The following TTC23 variants were observed in gnomAD, a reference collection of about 807,000 sequenced individuals.
The protein encoded by TTC23 is tetratricopeptide repeat domain 23.
Under a neutral mutation model 55.1 loss-of-function variants are expected in TTC23, and 58 were observed. The ratio of observed to expected loss-of-function variants is 1.05; its 90% confidence interval spans 0.85 to 1.31. The LOEUF (loss-of-function observed/expected upper bound fraction) is 1.31. TTC23 is among the 50% of genes most tolerant of loss of function. The pLI is 0.00. For missense variants in TTC23, 516 were observed against 534.4 expected, an observed-to-expected ratio of 0.97 and a Z score of 0.34; for synonymous variants, 203 against 199.9, an observed-to-expected ratio of 1.02 and a Z score of -0.13.
At chr15:99,201,332 C>T (rs1329877416) in intron 8 of TTC23, among the ~76,000 whole-genome samples, 1 of 152,100 alleles carries the variant, frequency 6.6e-6, no homozygotes, top group Non-Finnish European at 1.5e-5. Context: ...TTTGTTAAGA[C>T]TATTAGGAAC....
At chr15:99,160,969 C>G (rs889878733) in intron 11 of TTC23, 4 of 146,796 alleles carry the variant, frequency 2.7e-5, no homozygotes, top group African/African-American at 7.6e-5. Flanking sequence ...GCTGAGATTG[C>G]ACCACTGCAC....
rs79941196 is a variant in TTC23, at chr15:99,212,500, A to G, written c.581+6088T>C. ...ATTCACTCTCCAAAGTTAACAAACC[A>G]TTACTGTACGAAGTAGCACCGGAAC... On this transcript the variant is annotated intron_variant, in intron 8 of 13. Coordinates refer to ENST00000394132, the MANE Select transcript of TTC23 (RefSeq NM_001288615.3). 2.5e-3 allele frequency among the ~76,000 whole-genome samples: 374 copies of G among 152,336 alleles called. 2 individuals are homozygous for G. Among genetic ancestry groups the G allele is most frequent in the African/African-American group, 8.4e-3 (348 of 41,566 alleles).
intron 5 of TTC23, among the ~76,000 whole-genome samples, chr15:99,226,321 G>A (rs1300126709): frequency 6.6e-6 from 1 of 152,038 alleles, no homozygotes; most frequent in East Asian, 1.9e-4. Context: ...TTATTCTTAG[G>A]GAATAAACAC....
intron 10 of TTC23, among the ~76,000 whole-genome samples, chr15:99,162,832 C>G (rs898740156): frequency 6.6e-6 from 1 of 152,064 alleles, no homozygotes; most frequent in Non-Finnish European, 1.5e-5. Flanking sequence ...GTAATCCCAG[C>G]ACTTTGGGAG....
At chr15:99,234,952 A>C (rs1240234339) in intron 4 of TTC23, 36 bp downstream of exon 4, 2 of 152,098 alleles carry the variant, frequency 1.3e-5, no homozygotes, top group Non-Finnish European at 2.9e-5. Flanking sequence ...AAAAAAAAAA[A>C]ACTGGTAAAA....
intron 9 of TTC23, among the ~76,000 whole-genome samples, chr15:99,179,553 T>C (rs1026861428): frequency 3.3e-5 from 5 of 152,266 alleles, no homozygotes; most frequent in Non-Finnish European, 7.3e-5. Context: ...TCCATCTACA[T>C]ATGTTAACAT....
At chr15:99,185,363 G>A (rs2074566081) in intron 9 of TTC23, among the ~76,000 whole-genome samples, 1 of 152,176 alleles carries the variant, frequency 6.6e-6, no homozygotes, top group Non-Finnish European at 1.5e-5. Context: ...TGGGAGCACT[G>A]AGCAGCCATC....
chr15:99,168,467 C>G (rs181111761), intron 10 of TTC23, among the ~76,000 whole-genome samples: 1 of 152,188 alleles, frequency 6.6e-6, no homozygotes, highest in Non-Finnish European at 1.5e-5. Context: ...GATGTAGATG[C>G]GTTTTCCATA....
chr15:99,160,511 T>C (rs894799727), intron 11 of TTC23: 1 of 152,194 alleles, frequency 6.6e-6, no homozygotes, highest in African/African-American at 2.4e-5. Flanking sequence ...ATATAAAGTA[T>C]TCAGGAGGCT....
chr15:99,239,612 T>C (rs1210832434), intron 3 of TTC23, among the ~76,000 whole-genome samples: 1 of 152,190 alleles, frequency 6.6e-6, no homozygotes, highest in Non-Finnish European at 1.5e-5. Flanking sequence ...CAGTGCTATT[T>C]GAGATCCTAA....
chr15:99,188,631 T>C (rs938651335), intron 9 of TTC23, among the ~76,000 whole-genome samples: 2 of 151,996 alleles, frequency 1.3e-5, no homozygotes, highest in African/African-American at 4.8e-5. Flanking sequence ...CATTTAAAAA[T>C]GGTGAAATGA....
chr15:99,140,886 TA>T (rs1314599332), intron 12 of TTC23: 1 of 152,190 alleles, frequency 6.6e-6, no homozygotes, highest in Non-Finnish European at 1.5e-5. Context: ...GAAGAATTCC[TA>T]TAAGGTAATG....
At chr15:99,161,975 G>A (rs550216839) in intron 10 of TTC23, 108 bp from the exon 11 acceptor site, 8 of 1,244,300 alleles carry the variant, frequency 6.4e-6, no homozygotes, top group Non-Finnish European at 8.6e-6. Flanking sequence ...GAGGTATTGG[G>A]ACAAGAAAAA....
intron 12 of TTC23, among the ~76,000 whole-genome samples, chr15:99,141,964 C>G (rs1365857187): frequency 6.6e-6 from 1 of 152,040 alleles, no homozygotes; most frequent in Admixed American, 6.5e-5. Context: ...GATCCCTGTC[C>G]CTCTGTCCAA....
At chr15:99,181,417 G>T (rs1240734872) in intron 9 of TTC23, among the ~76,000 whole-genome samples, 3 of 152,160 alleles carry the variant, frequency 2.0e-5, no homozygotes, top group African/African-American at 7.2e-5. Context: ...AGCGGCAGAT[G>T]GTGGATAGAG....
intron 12 of TTC23, among the ~76,000 whole-genome samples, chr15:99,145,698 C>CTT (rs1555492882): frequency 6.6e-6 from 1 of 152,116 alleles, no homozygotes; most frequent in Admixed American, 6.5e-5. Context: ...GTCTCTCTCT[C>CTT]TTTCTTTCTC....
intron 9 of TTC23, among the ~76,000 whole-genome samples, chr15:99,189,811 T>C (rs1161030444): frequency 1.3e-5 from 2 of 152,110 alleles, no homozygotes; most frequent in Admixed American, 6.5e-5. Context: ...GGATCTTGCA[T>C]TGGAGGAAAA....
In TTC23 at chr15:99,137,983, G is replaced by A. The variant is rs1555487923; in HGVS notation, c.*27C>T. 2.5e-6 allele frequency: 4 copies of A among 1,614,024 alleles called. No homozygotes were observed. ...ACCCTAAATGACAGTGCCCAGGAATGTCCTAGGCTTTTTCAGGGTGGGGGC... is the reference window on the plus strand; with the variant it reads ...ACCCTAAATGACAGTGCCCAGGAATATCCTAGGCTTTTTCAGGGTGGGGGC... On this transcript the variant is annotated 3_prime_UTR_variant, in exon 14 of 14. Transcript: ENST00000394132.
At position 99,176,286 on chromosome 15, in the gene TTC23, A is replaced by G. The variant is rs934186695; in HGVS notation, c.760-1131T>C. Among the ~76,000 whole-genome samples, 4 of 152,304 alleles carry G rather than the reference A, an allele frequency of 2.6e-5. No individual in the cohort carries two copies. In the East Asian group the frequency reaches 7.7e-4, roughly 29 times the overall value. ...TGAGTCAGTAGGTAGGTAGTTCACA[A>G]TTAATTGCCAAAAGAGTGACAGAAT... On this transcript the variant is annotated intron_variant, in intron 9 of 13. Coordinates refer to ENST00000394132, the MANE Select transcript of TTC23 (RefSeq NM_001288615.3).
Sources: allele counts gnomAD v4.1 joint callset (sites outside exome capture counted in the v4.1 genomes callset), GRCh38; gene constraint gnomAD v4.1.1; transcripts MANE v1.5; gene names NCBI Gene and HGNC (gene_info 2026-07-23, HGNC 2026-07-21).